The following MYO3A variants were observed in gnomAD, a reference collection of about 807,000 sequenced individuals.
MYO3A encodes myosin IIIA.
Under a neutral mutation model 192.7 loss-of-function variants are expected in MYO3A, and 180 were observed. The observed-to-expected ratio is 0.93, with a 90% CI of 0.83 to 1.06. The LOEUF is 1.06. Among genes scored for constraint, MYO3A ranks in the 50% least tolerant of loss-of-function variants. The pLI, the probability that MYO3A is intolerant of heterozygous loss-of-function variation, is 0.00. For missense variants in MYO3A, 1,896 were observed against 1,905.0 expected, an observed-to-expected ratio of 1.00 and a Z score of 0.09; for synonymous variants, 628 against 645.3, an observed-to-expected ratio of 0.97 and a Z score of 0.41.
intron 14 of MYO3A, among the ~76,000 whole-genome samples, chr10:26,076,444 G>A (rs1039231720): frequency 1.3e-5 from 2 of 151,970 alleles, no homozygotes; most frequent in Non-Finnish European, 2.9e-5. Flanking sequence ...TTCCCACTCT[G>A]TGGGTTTTCT....
At chr10:26,040,894 T>A (rs1233639705) in intron 10 of MYO3A, among the ~76,000 whole-genome samples, 1 of 152,132 alleles carries the variant, frequency 6.6e-6, no homozygotes, top group Non-Finnish European at 1.5e-5. Flanking sequence ...GTTCTATAAA[T>A]ATGTATTAGG....
intron 2 of MYO3A, among the ~76,000 whole-genome samples, chr10:25,937,753 A>G (rs974154986): frequency 2.0e-5 from 3 of 152,240 alleles, no homozygotes; most frequent in African/African-American, 7.2e-5. Context: ...CGGAATACAA[A>G]TACAAAAGTA....
intron 6 of MYO3A, among the ~76,000 whole-genome samples, chr10:26,008,647 T>C (rs912981082): frequency 1.4e-4 from 22 of 151,738 alleles, no homozygotes; most frequent in African/African-American, 5.1e-4. Flanking sequence ...TCACTGGCTA[T>C]CAGAGAAATG....
At chr10:26,143,672 A>G (rs1840297317) in intron 21 of MYO3A, 71 bp downstream of exon 21, 1 of 1,557,250 alleles carries the variant, frequency 6.4e-7, no homozygotes. Flanking sequence ...GATTTTTTAA[A>G]TGGCTTTAAA....
At chr10:25,949,237 G>A (rs1254366934) in intron 2 of MYO3A, among the ~76,000 whole-genome samples, 2 of 151,806 alleles carry the variant, frequency 1.3e-5, no homozygotes, top group African/African-American at 2.4e-5. Context: ...CATATTTGTT[G>A]TTCAGTCAAT....
chr10:26,195,163 AT>A (rs1315436991), intron 32 of MYO3A, among the ~76,000 whole-genome samples: 1 of 152,168 alleles, frequency 6.6e-6, no homozygotes, highest in Non-Finnish European at 1.5e-5. Context: ...TATTCTGGAC[AT>A]TTCCTATAAA....
chr10:26,102,910 C>T (rs983696732), intron 17 of MYO3A, among the ~76,000 whole-genome samples: 1 of 152,162 alleles, frequency 6.6e-6, no homozygotes, highest in African/African-American at 2.4e-5. Context: ...CTGGGAGAAC[C>T]ACTACTCTCT....
chr10:26,129,756 T>C (rs1839426785), intron 20 of MYO3A, among the ~76,000 whole-genome samples: 1 of 152,234 alleles, frequency 6.6e-6, no homozygotes, highest in Admixed American at 6.5e-5. Context: ...AGATCATATA[T>C]TGTGTCTTAA....
At chr10:26,175,072 A>T (rs1842255738) in intron 30 of MYO3A, among the ~76,000 whole-genome samples, 2 of 152,214 alleles carry the variant, frequency 1.3e-5, no homozygotes, top group African/African-American at 2.4e-5. Flanking sequence ...AGGAATCACA[A>T]AGAAAAAACG....
chr10:26,041,164 T>C (rs1045951772), intron 10 of MYO3A, among the ~76,000 whole-genome samples: 3 of 152,128 alleles, frequency 2.0e-5, no homozygotes, highest in Admixed American at 1.3e-4. Flanking sequence ...TCTCTTCTTA[T>C]AGTTTTTGTC....
chr10:26,175,706 C>G (rs984466006), intron 30 of MYO3A, among the ~76,000 whole-genome samples: 1 of 152,154 alleles, frequency 6.6e-6, no homozygotes, highest in Non-Finnish European at 1.5e-5. Context: ...GTGAGCTTAA[C>G]GAACATACAG....
intron 10 of MYO3A, among the ~76,000 whole-genome samples, chr10:26,049,715 G>C (rs1437102485): frequency 9.2e-6 from 1 of 108,578 alleles, no homozygotes; most frequent in East Asian, 3.1e-4. Context: ...GTCTTGCTCT[G>C]TTACCCAGGC....
rs191336129 is a variant in MYO3A at position 26,156,976 on chromosome 10, G to A, written c.2794-334G>A. On this transcript the variant is annotated intron_variant, in intron 25 of 34. Transcript: ENST00000642920. ...TAAGATTGTATAATATTATAATTTG[G>A]TAAGTTAGCCTAAGAGTATATAATT... is the stretch of plus-strand genomic sequence containing the variant. Among the ~76,000 whole-genome samples the A allele has an allele frequency of 8.8e-4, 134 of 152,260 alleles. 2 individuals are homozygous for A. In the Middle Eastern group the frequency reaches 0.037, roughly 43 times the overall value.
chr10:26,106,628 A>G (rs1042944536), intron 17 of MYO3A, among the ~76,000 whole-genome samples: 2 of 152,054 alleles, frequency 1.3e-5, no homozygotes, highest in Non-Finnish European at 2.9e-5. Flanking sequence ...TTGGAAAAGA[A>G]TATTTATCAT....
chr10:26,133,829 T>C (rs1337359024), intron 20 of MYO3A, among the ~76,000 whole-genome samples: 2 of 152,220 alleles, frequency 1.3e-5, no homozygotes, highest in East Asian at 3.8e-4. Flanking sequence ...ATCCATATGA[T>C]AGTACTGTCG....
chr10:26,065,605 A>AAAAAAAAAAAAACAT (rs1834784369), intron 10 of MYO3A, among the ~76,000 whole-genome samples: 4 of 118,726 alleles, frequency 3.4e-5, no homozygotes, highest in African/African-American at 6.0e-5. Context: ...AAAAAAAAAA[A>AAAAAAAAAAAAACAT]AAAAAAAAGT....
chr10:26,143,697 A>AT lies in MYO3A; in HGVS notation c.2416+97dup. 3 of 1,455,942 alleles carry AT rather than the reference A, an allele frequency of 2.1e-6. No individual in the cohort carries two copies. The South Asian group carries it at 3.5e-5, about 17-fold the overall frequency. The allele number at this position is 1,455,942 out of a possible 1,614,324, so 90.2% of individuals were successfully genotyped here. On this transcript the variant is annotated intron_variant, in intron 21 of 34. Coordinates refer to ENST00000642920, the MANE Select transcript of MYO3A (RefSeq NM_017433.5). The stretch of plus-strand genomic sequence containing the variant: ...ATGGCTTTAAATTATCTGGAAGAAA[A>AT]TAGCTGTCACAAAGCCTGCATATTT...
At chr10:26,118,342 C>T (rs972988783) in intron 17 of MYO3A, among the ~76,000 whole-genome samples, 10 of 152,132 alleles carry the variant, frequency 6.6e-5, no homozygotes, top group Admixed American at 5.9e-4. Context: ...ATCAGAGTTT[C>T]CTTAGAAAAA....
chr10:26,004,706 C>T (rs1841075031), intron 6 of MYO3A, among the ~76,000 whole-genome samples: 1 of 152,060 alleles, frequency 6.6e-6, no homozygotes, highest in African/African-American at 2.4e-5. Context: ...GTCAGAAGCA[C>T]ACAGAAACCA....
Sources: gnomAD v4.1 joint callset for allele counts (sites outside exome capture counted in the v4.1 genomes callset) on GRCh38, gnomAD v4.1.1 for gene constraint, MANE v1.5 for transcripts, NCBI Gene and HGNC (gene_info 2026-07-23, HGNC 2026-07-21) for gene names.